The following MARCHF4 variants were observed in gnomAD, a reference collection of about 807,000 sequenced individuals.
The protein encoded by MARCHF4 is E3 ubiquitin-protein ligase MARCHF4.
MARCHF4 carries 14 observed loss-of-function variants against 43.9 expected under a neutral mutation model. That is an observed-to-expected ratio of 0.32 (90% CI 0.21 to 0.50). The LOEUF (loss-of-function observed/expected upper bound fraction) is 0.50, where lower values mean the gene tolerates loss of function less well. Among genes scored for constraint, MARCHF4 ranks in the 20% least tolerant of loss-of-function variants. The pLI, the probability that MARCHF4 is intolerant of heterozygous loss-of-function variation, is 0.98. For missense variants in MARCHF4, 468 were observed against 536.7 expected (o/e 0.87, Z 1.27); for synonymous variants, 226 against 213.3 (o/e 1.06, Z -0.52).
chr2:216,278,132 C>T (rs973583550), intron 2 of MARCHF4, among the ~76,000 whole-genome samples: 1 of 152,180 alleles, frequency 6.6e-6, no homozygotes, highest in East Asian at 1.9e-4. Context: ...GACCCTTAGA[C>T]TTGATAATGA....
chr2:216,362,039 G>C (rs1299837660), intron 1 of MARCHF4, among the ~76,000 whole-genome samples: 1 of 152,150 alleles, frequency 6.6e-6, no homozygotes, highest in Non-Finnish European at 1.5e-5. Context: ...AGACCACTCT[G>C]CTGGGAAGGG....
At chr2:216,318,569 G>A (rs955742232) in intron 1 of MARCHF4, among the ~76,000 whole-genome samples, 2 of 152,220 alleles carry the variant, frequency 1.3e-5, no homozygotes, top group Admixed American at 6.5e-5. Flanking sequence ...CTGGAAGGAA[G>A]TGAGGGAGTG....
rs1239691684 is a variant in MARCHF4 at position 216,371,818 on chromosome 2, C to G, written c.-1558G>C. 1.3e-5 allele frequency: 2 copies of G among 152,386 alleles called. No individual in the cohort carries two copies. The highest frequency in any genetic ancestry group is 4.8e-5 in the African/African-American group (2 of 41,452). The allele number at this position is 152,386 out of a possible 1,614,324, so 9.4% of individuals were successfully genotyped here. A position where few individuals can be genotyped will look rare whatever the true frequency, so the allele number is the denominator to read the frequency against. ...GGGCGGAGGAGGGCGGCTGCCGGGT[C>G]TGCTCGGCAGCTCTGCCCCCGCTAC... On this transcript the variant is annotated 5_prime_UTR_variant, in exon 1 of 4. Transcript: ENST00000273067.
intron 1 of MARCHF4, among the ~76,000 whole-genome samples, chr2:216,291,046 T>A (rs903003098): frequency 3.3e-5 from 5 of 152,052 alleles, no homozygotes; most frequent in Non-Finnish European, 5.9e-5. Flanking sequence ...CAGATGGTGT[T>A]AAAAGCTGAG....
chr2:216,314,159 G>A (rs905039286), intron 1 of MARCHF4, among the ~76,000 whole-genome samples: 1 of 152,140 alleles, frequency 6.6e-6, no homozygotes, highest in Non-Finnish European at 1.5e-5. Context: ...ATTCTAGATG[G>A]ATTTAGCATG....
At chr2:216,367,688 GC>G (rs2105987994) in intron 1 of MARCHF4, among the ~76,000 whole-genome samples, 1 of 152,264 alleles carries the variant, frequency 6.6e-6, no homozygotes, top group East Asian at 1.9e-4. Context: ...ACTGGTGTTA[GC>G]TTTTTTATTC....
chr2:216,274,827 A>G (rs1315076387), intron 3 of MARCHF4, among the ~76,000 whole-genome samples: 2 of 151,906 alleles, frequency 1.3e-5, no homozygotes, highest in African/African-American at 2.4e-5. Context: ...AAATGGGAAG[A>G]CGAATCCTTG....
In MARCHF4 at chr2:216,325,576, C is replaced by T. The variant is rs551578011; in HGVS notation, c.517-41847G>A. Among the ~76,000 whole-genome samples the T allele has an allele frequency of 1.4e-4, 22 of 152,282 alleles. No individual in the cohort carries two copies. In the East Asian group the frequency reaches 3.5e-3, roughly 24 times the overall value. The stretch of plus-strand genomic sequence containing the variant: ...CCTGACTTCAAACTATACTACAAGG[C>T]TACAGTAACCAAAACAGCAGGGTAC... On this transcript the variant is annotated intron_variant, in intron 1 of 3. Coordinates refer to ENST00000273067, the MANE Select transcript of MARCHF4 (RefSeq NM_020814.3).
chr2:216,300,353 T>TATATATATATATAC (rs1691474934), intron 1 of MARCHF4, among the ~76,000 whole-genome samples: 1 of 144,330 alleles, frequency 6.9e-6, no homozygotes, highest in African/African-American at 2.6e-5. Context: ...TATATATGTA[T>TATATATATATATAC]ATATATATAT....
chr2:216,308,055 C>T (rs1009520586), intron 1 of MARCHF4, among the ~76,000 whole-genome samples: 8 of 151,886 alleles, frequency 5.3e-5, no homozygotes. Context: ...GACCCTATCT[C>T]AAGAAAACAA....
intron 3 of MARCHF4, among the ~76,000 whole-genome samples, chr2:216,264,087 G>T (rs1690804685): frequency 3.9e-5 from 6 of 152,096 alleles, no homozygotes; most frequent in Admixed American, 3.9e-4. Context: ...TCTCCAACAG[G>T]TTGCAAATCT....
intron 1 of MARCHF4, among the ~76,000 whole-genome samples, chr2:216,339,049 G>T (rs1012841161): frequency 1.8e-4 from 28 of 152,276 alleles, no homozygotes; most frequent in African/African-American, 6.7e-4. Context: ...GGACAGAAAG[G>T]AGCGGGGAGA....
In MARCHF4 at chr2:216,370,167, A is replaced by G. The variant is rs745402091; in HGVS notation, c.94T>C (p.Leu32=). The change falls in exon 1 of 4, where the codon TTG becomes CTG. Residue 32 remains leucine (L), a synonymous_variant. Transcript: ENST00000273067. Reference sequence around the variant, plus strand: ...CACTTGAGGAGACCCTGGTGGCGCAACATCTGGGGGGCTGGGGCACACAAT... The same window carrying G: ...CACTTGAGGAGACCCTGGTGGCGCAGCATCTGGGGGGCTGGGGCACACAAT... The part of the protein sequence containing the change: ...YGLCAPAPQM[L]RHQGLLKCRC... The G allele has an allele frequency of 5.6e-6, 9 of 1,611,602 alleles. No homozygotes were observed. In the African/African-American group the frequency reaches 9.3e-5, roughly 17 times the overall value.
intron 1 of MARCHF4, among the ~76,000 whole-genome samples, chr2:216,317,010 G>A (rs1439736917): frequency 3.9e-5 from 6 of 152,110 alleles, no homozygotes; most frequent in African/African-American, 1.4e-4. Flanking sequence ...TGCAAGGGAG[G>A]GAAAGGATGA....
intron 1 of MARCHF4, among the ~76,000 whole-genome samples, chr2:216,345,198 C>A (rs879531741): frequency 1.6e-4 from 24 of 150,336 alleles, no homozygotes; most frequent in Non-Finnish European, 3.4e-4. Context: ...CTGTGGTTTG[C>A]TGGTTTGGAG....
chr2:216,277,803 G>A lies in MARCHF4; in HGVS notation c.734C>T (p.Ser245Phe), dbSNP rs772699551. The A allele has an allele frequency of 6.2e-7, 1 of 1,614,144 alleles. No homozygotes were observed. Among genetic ancestry groups the A allele is most frequent in the South Asian group, 1.1e-5 (1 of 91,064 alleles). ...KVQVAAAILG[S>F]LFLIASISWL... Reference sequence around the variant, plus strand: ...AGAAATACTGGCGATGAGGAAGAGGGAGCCCAGGATGGCGGCTGCAACCTG... The same window carrying A: ...AGAAATACTGGCGATGAGGAAGAGGAAGCCCAGGATGGCGGCTGCAACCTG... Residue 245 changes from serine to phenylalanine, a missense_variant, in exon 3 of 4, where the codon TCC (serine) becomes TTC (phenylalanine). Transcript: ENST00000273067.
chr2:216,331,610 A>G (rs1369425136), intron 1 of MARCHF4, among the ~76,000 whole-genome samples: 1 of 152,210 alleles, frequency 6.6e-6, no homozygotes, highest in Non-Finnish European at 1.5e-5. Context: ...GAATCCAATG[A>G]TACATAAAAT....
intron 1 of MARCHF4, among the ~76,000 whole-genome samples, chr2:216,296,471 T>C (rs1364626017): frequency 6.6e-6 from 1 of 152,250 alleles, no homozygotes; most frequent in Non-Finnish European, 1.5e-5. Flanking sequence ...TTCTACCTCC[T>C]GTGACCAGAG....
intron 1 of MARCHF4, among the ~76,000 whole-genome samples, chr2:216,295,547 T>C (rs898703225): frequency 1.3e-5 from 2 of 152,200 alleles, no homozygotes; most frequent in Non-Finnish European, 2.9e-5. Flanking sequence ...AGGGAGTGTT[T>C]ATTGTGGTGT....
Sources: allele counts gnomAD v4.1 joint callset (sites outside exome capture counted in the v4.1 genomes callset), GRCh38; gene constraint gnomAD v4.1.1; transcripts MANE v1.5; gene names NCBI Gene and HGNC (gene_info 2026-07-23, HGNC 2026-07-21).